Variants in DUSP11 observed in about 807,000 individuals in gnomAD.
DUSP11 encodes RNA/RNP complex-1-interacting phosphatase.
A neutral mutation model predicts 41.4 loss-of-function variants in DUSP11; 27 were observed. That is an observed-to-expected ratio of 0.65 (90% CI 0.48 to 0.90). DUSP11 has a LOEUF of 0.90. Ranked by LOEUF, DUSP11 falls within the 40% of genes least tolerant of loss-of-function variation. The pLI, the probability that DUSP11 is intolerant of heterozygous loss-of-function variation, is 0.00. For synonymous variants in DUSP11, 188 were observed against 159.3 expected, an observed-to-expected ratio of 1.18 and a Z score of -1.35; for missense variants, 465 against 461.1, an observed-to-expected ratio of 1.01 and a Z score of -0.08.
chr2:73,762,659 T>A (rs977406554), exon 9 of DUSP11: 2 of 1,609,260 alleles, frequency 1.2e-6, no homozygotes, highest in African/African-American at 2.7e-5. Context: ...GACAGGTTTG[T>A]ATCACTGGGT....
intron 8 of DUSP11, among the ~76,000 whole-genome samples, chr2:73,763,339 T>C (rs1672395927): frequency 6.6e-6 from 1 of 152,240 alleles, no homozygotes; most frequent in East Asian, 1.9e-4. Context: ...TGAAAAACTT[T>C]AAGCATGGTA....
At chr2:73,771,410 T>C (rs1013444307) in intron 4 of DUSP11, among the ~76,000 whole-genome samples, 3 of 152,200 alleles carry the variant, frequency 2.0e-5, no homozygotes, top group African/African-American at 7.2e-5. Context: ...AGCTCGAATG[T>C]TGTCTCCTGT....
At chr2:73,777,387 T>C (rs1488937337) in intron 2 of DUSP11, among the ~76,000 whole-genome samples, 2 of 152,232 alleles carry the variant, frequency 1.3e-5, no homozygotes, top group Non-Finnish European at 2.9e-5. Context: ...ACGTTTCAAG[T>C]AGGCTTCTCC....
chr2:73,775,863 TTAA>T (rs557556123), intron 2 of DUSP11, among the ~76,000 whole-genome samples: 58,776 of 101,300 alleles, frequency 0.58, 18,073 homozygotes, highest in South Asian at 0.74. Flanking sequence ...AAAAAAAAAT[TTAA>T]AAAAAAAAAA....
chr2:73,774,270 T>C (rs533858435), intron 3 of DUSP11, among the ~76,000 whole-genome samples: 10 of 152,320 alleles, frequency 6.6e-5, no homozygotes, highest in Admixed American at 1.3e-4. Flanking sequence ...ATGATTTAAG[T>C]AGAAGAGTAG....
exon 9 of DUSP11, chr2:73,762,801 G>A (rs1269920436): frequency 6.2e-7 from 1 of 1,612,214 alleles, no homozygotes; most frequent in African/African-American, 1.3e-5. Flanking sequence ...TCCTCTCCAG[G>A]GGGACCAGGA....
chr2:73,764,514 G>C (rs1366161283), intron 8 of DUSP11, among the ~76,000 whole-genome samples: 5 of 152,108 alleles, frequency 3.3e-5, no homozygotes, highest in Non-Finnish European at 5.9e-5. Flanking sequence ...AACCACTATG[G>C]GGTATGTATT....
intron 8 of DUSP11, 106 bp downstream of exon 8, chr2:73,766,309 CAAA>C (rs34279043): frequency 1.1e-3 from 896 of 834,228 alleles, no homozygotes; most frequent in South Asian, 1.9e-3. Context: ...ACTCTGTCTC[CAAA>C]AAAAAAAAAA....
rs770486275 is a variant in DUSP11, at chr2:73,780,010, C to T, written c.106G>A (p.Asp36Asn). The T allele has an allele frequency of 3.1e-6, 5 of 1,614,168 alleles. No individual in the cohort carries two copies. The highest frequency in any genetic ancestry group is 3.4e-6 in the Non-Finnish European group (4 of 1,179,990). ...AGAAGCCGCCCACCCAATGCCAAGTCGGCCAAAAGCGCCAGTCCGGCGCCC... is the reference window on the plus strand; with the variant it reads ...AGAAGCCGCCCACCCAATGCCAAGTTGGCCAAAAGCGCCAGTCCGGCGCCC... Residue 36 changes from aspartate (D) to asparagine (N), a missense_variant, in exon 1 of 9, where the codon GAC (aspartate) becomes AAC (asparagine). Asp to Asn is a conservative substitution (Grantham distance 23). Transcript: ENST00000272444.
chr2:73,762,516 G>A (rs893680044), exon 9 of DUSP11: 1 of 489,604 alleles, frequency 2.0e-6, no homozygotes, highest in African/African-American at 1.9e-5. Context: ...CAGCAAAGAG[G>A]TAAACAGCAA....
At chr2:73,769,390 G>T in intron 4 of DUSP11, 65 bp from the exon 5 acceptor site, 2 of 1,152,182 alleles carry the variant, frequency 1.7e-6, no homozygotes, top group Non-Finnish European at 2.6e-6. Context: ...CATTATCACT[G>T]CCCTGAAAAT....
At chr2:73,771,545 G>A (rs1672573184) in intron 4 of DUSP11, among the ~76,000 whole-genome samples, 2 of 151,778 alleles carry the variant, frequency 1.3e-5, no homozygotes, top group Non-Finnish European at 2.9e-5. Flanking sequence ...CCAGGCTGGA[G>A]TGCAGTGGCG....
intron 8 of DUSP11, among the ~76,000 whole-genome samples, chr2:73,764,585 C>G (rs775756979): frequency 3.9e-5 from 6 of 152,182 alleles, no homozygotes; most frequent in South Asian, 4.1e-4. Context: ...GTATCTTATC[C>G]AAGATCACAA....
chr2:73,766,683 A>T (rs1672472818), intron 7 of DUSP11, 89 bp from the exon 8 acceptor site: 1 of 1,432,420 alleles, frequency 7.0e-7, no homozygotes. Flanking sequence ...GAAAATAACA[A>T]TTTCTTCCTT....
At chr2:73,770,714 T>C (rs923819034) in intron 4 of DUSP11, among the ~76,000 whole-genome samples, 2 of 152,148 alleles carry the variant, frequency 1.3e-5, no homozygotes, top group Admixed American at 1.3e-4. Flanking sequence ...TAGCATGGCA[T>C]TTAGAATCCT....
intron 1 of DUSP11, 137 bp from the exon 2 acceptor site, chr2:73,778,513 C>T (rs1170382859): frequency 1.9e-6 from 1 of 515,790 alleles, no homozygotes; most frequent in Non-Finnish European, 3.3e-6. Flanking sequence ...CGCCACTCCA[C>T]TTATTAAACC....
exon 9 of DUSP11, chr2:73,762,710 T>A (rs773774405): frequency 5.6e-6 from 9 of 1,613,666 alleles, no homozygotes; most frequent in Non-Finnish European, 7.6e-6. Context: ...GGAGTAATTA[T>A]AAGGATACCA....
intron 4 of DUSP11, 99 bp downstream of exon 4, chr2:73,773,701 A>G: frequency 8.1e-7 from 1 of 1,238,194 alleles, no homozygotes; most frequent in South Asian, 1.6e-5. Flanking sequence ...TAGCATCATT[A>G]AATACAACAG....
intron 4 of DUSP11, among the ~76,000 whole-genome samples, chr2:73,772,420 C>T (rs967958210): frequency 6.6e-6 from 1 of 152,158 alleles, no homozygotes; most frequent in Non-Finnish European, 1.5e-5. Context: ...GCAGTGAGTA[C>T]TGCAAGACTT....
Sources: gnomAD v4.1 joint callset for allele counts (sites outside exome capture counted in the v4.1 genomes callset) on GRCh38, gnomAD v4.1.1 for gene constraint, MANE v1.5 for transcripts, NCBI Gene and HGNC (gene_info 2026-07-23, HGNC 2026-07-21) for gene names.